CNTNAP5: variants seen among roughly 807,000 people sequenced by gnomAD.
CNTNAP5 encodes the protein contactin associated protein family member 5.
A neutral mutation model predicts 150.2 loss-of-function variants in CNTNAP5; 72 were observed. That is an observed-to-expected ratio of 0.48 (90% CI 0.40 to 0.58). CNTNAP5 has a LOEUF of 0.58. Among genes scored for constraint, CNTNAP5 ranks in the 20% least tolerant of loss-of-function variants. The pLI is 0.00. For missense variants in CNTNAP5, 1,636 were observed against 1,626.2 expected (o/e 1.01, Z -0.10); for synonymous variants, 672 against 619.8 (o/e 1.08, Z -1.25).
At chr2:124,448,053 G>A (rs1692867409) in intron 6 of CNTNAP5, among the ~76,000 whole-genome samples, 1 of 152,160 alleles carries the variant, frequency 6.6e-6, no homozygotes, top group Admixed American at 6.5e-5. Context: ...CAGATCACGA[G>A]GTCAGGAGAT....
At chr2:124,495,921 C>T (rs1163834756) in intron 7 of CNTNAP5, among the ~76,000 whole-genome samples, 1 of 152,088 alleles carries the variant, frequency 6.6e-6, no homozygotes, top group Admixed American at 6.6e-5. Context: ...CTCATAAAGC[C>T]CTGTAACAAT....
At chr2:124,113,124 C>T (rs945847057) in intron 1 of CNTNAP5, among the ~76,000 whole-genome samples, 20 of 152,078 alleles carry the variant, frequency 1.3e-4, no homozygotes, top group African/African-American at 4.6e-4. Flanking sequence ...ACCCACATCC[C>T]GTGGCTCAAC....
At position 124,158,618 on chromosome 2, in the gene CNTNAP5, T is replaced by C. The variant is rs528705499; in HGVS notation, c.83-63087T>C. On this transcript the variant is annotated intron_variant, in intron 1 of 23. Transcript: ENST00000682447. ...GTGGAGGGCTGACTCTATTTACTTTTTGTGCCAGACAGGTTAGCATGTCCA... is the reference window on the plus strand; with the variant it reads ...GTGGAGGGCTGACTCTATTTACTTTCTGTGCCAGACAGGTTAGCATGTCCA... Among the ~76,000 whole-genome samples, 3 of 152,356 alleles carry C rather than the reference T, an allele frequency of 2.0e-5. No homozygotes were observed. In the South Asian group the frequency reaches 6.2e-4, roughly 32 times the overall value.
At chr2:124,791,562 A>G (rs1304550973) in intron 18 of CNTNAP5, among the ~76,000 whole-genome samples, 1 of 152,136 alleles carries the variant, frequency 6.6e-6, no homozygotes, top group Non-Finnish European at 1.5e-5. Context: ...TGAAATGCAC[A>G]AGCATTCTTC....
chr2:124,829,085 G>C (rs1258504873), intron 19 of CNTNAP5, among the ~76,000 whole-genome samples: 1 of 152,070 alleles, frequency 6.6e-6, no homozygotes, highest in Non-Finnish European at 1.5e-5. Context: ...CAAGGGCTAG[G>C]GTCATTCATA....
At chr2:124,825,785 C>T (rs1048237629) in intron 19 of CNTNAP5, among the ~76,000 whole-genome samples, 2 of 152,132 alleles carry the variant, frequency 1.3e-5, no homozygotes, top group African/African-American at 4.8e-5. Flanking sequence ...ACCAAGCATT[C>T]TTGGGATCGG....
chr2:124,414,277 G>T (rs193179630), intron 3 of CNTNAP5, among the ~76,000 whole-genome samples: 1 of 152,230 alleles, frequency 6.6e-6, no homozygotes, highest in East Asian at 1.9e-4. Flanking sequence ...TTCCGGCATT[G>T]ATAAGTGATT....
intron 10 of CNTNAP5, among the ~76,000 whole-genome samples, chr2:124,538,406 A>T (rs552586918): frequency 6.6e-6 from 1 of 152,174 alleles, no homozygotes; most frequent in East Asian, 1.9e-4. Context: ...TGAACCCAGG[A>T]TGTAGAGGAT....
chr2:124,814,306 G>A (rs1682303270), intron 19 of CNTNAP5, among the ~76,000 whole-genome samples: 1 of 149,530 alleles, frequency 6.7e-6, no homozygotes, highest in Non-Finnish European at 1.5e-5. Context: ...CCAAGTTTTG[G>A]TTCCATGTCA....
chr2:124,385,757 T>C (rs933606113), intron 3 of CNTNAP5, among the ~76,000 whole-genome samples: 2 of 152,206 alleles, frequency 1.3e-5, no homozygotes, highest in African/African-American at 4.8e-5. Context: ...AATAATCATA[T>C]ATATTCTTAG....
At chr2:124,821,948 G>C (rs567886596) in intron 19 of CNTNAP5, among the ~76,000 whole-genome samples, 1 of 152,190 alleles carries the variant, frequency 6.6e-6, no homozygotes, top group Non-Finnish European at 1.5e-5. Flanking sequence ...TTCAGGACTT[G>C]TTTGCTACAT....
chr2:124,896,758 C>T lies in CNTNAP5; in HGVS notation c.3437-6124C>T, dbSNP rs979862142. Among the ~76,000 whole-genome samples the T allele has an allele frequency of 2.6e-5, 4 of 151,236 alleles. 1 individual carries two copies. Among genetic ancestry groups the T allele is most frequent in the South Asian group, 4.2e-4 (2 of 4,808 alleles). The stretch of plus-strand genomic sequence containing the variant: ...TTCACCGTGTTGGCCAGGCTGGTCT[C>T]GAACTCATGACTTCAGGTGATCCAC... On this transcript the variant is annotated intron_variant, in intron 21 of 23. Coordinates refer to ENST00000682447, the MANE Select transcript of CNTNAP5 (RefSeq NM_001367498.1).
chr2:124,619,844 T>A (rs1289720104), intron 12 of CNTNAP5, among the ~76,000 whole-genome samples: 1 of 2,288 alleles, frequency 4.4e-4, no homozygotes, highest in African/African-American at 4.7e-4. Context: ...GTCTCATTCA[T>A]ATATATATAT....
intron 1 of CNTNAP5, among the ~76,000 whole-genome samples, chr2:124,170,503 C>T (rs1414264444): frequency 2.0e-5 from 3 of 152,158 alleles, no homozygotes; most frequent in African/African-American, 7.2e-5. Flanking sequence ...AATCACACAG[C>T]CAGTGTCCTC....
At chr2:124,658,804 G>A (rs1001408947) in intron 13 of CNTNAP5, among the ~76,000 whole-genome samples, 3 of 152,184 alleles carry the variant, frequency 2.0e-5, no homozygotes, top group Admixed American at 6.5e-5. Context: ...ATATGGAAAC[G>A]AAATTATACC....
Position 124,772,785 on chromosome 2 carries a change from CT to C in CNTNAP5, c.2534-11del. 1 of 1,611,062 alleles carries C rather than the reference CT, an allele frequency of 6.2e-7. No individual in the cohort carries two copies. The highest frequency in any genetic ancestry group is 8.5e-7 in the Non-Finnish European group (1 of 1,177,330). On this transcript the variant is annotated splice_polypyrimidine_tract_variant and intron_variant, in intron 16 of 23. Coordinates refer to ENST00000682447, the MANE Select transcript of CNTNAP5 (RefSeq NM_001367498.1). ...AACTCCCTCTATCCTTCCTGTTTTC[CT>C]TTCCGGTTTCAGCTCCTTCAGAGAT...
chr2:124,737,936 C>A (rs935164457), intron 13 of CNTNAP5, among the ~76,000 whole-genome samples: 1 of 151,962 alleles, frequency 6.6e-6, no homozygotes, highest in Non-Finnish European at 1.5e-5. Flanking sequence ...AAGCATGAAT[C>A]TGCTTGGAAT....
At chr2:124,378,017 T>C (rs1690695554) in intron 3 of CNTNAP5, among the ~76,000 whole-genome samples, 1 of 152,082 alleles carries the variant, frequency 6.6e-6, no homozygotes, top group South Asian at 2.1e-4. Context: ...GAATGTTGTT[T>C]AAGAACTTCT....
intron 10 of CNTNAP5, among the ~76,000 whole-genome samples, chr2:124,531,625 G>A (rs1695111431): frequency 6.6e-6 from 1 of 152,116 alleles, no homozygotes; most frequent in East Asian, 1.9e-4. Flanking sequence ...TCTAAAAGGG[G>A]AAAGCTAAGA....
Sources: gnomAD v4.1 joint callset for allele counts (sites outside exome capture counted in the v4.1 genomes callset) on GRCh38, gnomAD v4.1.1 for gene constraint, MANE v1.5 for transcripts, NCBI Gene and HGNC (gene_info 2026-07-23, HGNC 2026-07-21) for gene names.